The following ABLIM3 variants were observed in gnomAD, a reference collection of about 807,000 sequenced individuals.
ABLIM3 encodes actin binding LIM protein family member 3, also known as actin-binding LIM protein 3.
A neutral mutation model predicts 109.5 loss-of-function variants in ABLIM3; 61 were observed. The observed-to-expected ratio is 0.56, with a 90% CI of 0.45 to 0.69. The LOEUF is 0.69. Ranked by LOEUF, ABLIM3 falls within the 30% of genes least tolerant of loss-of-function variation. The pLI is 0.00. For synonymous variants in ABLIM3, 300 were observed against 324.8 expected, an observed-to-expected ratio of 0.92 and a Z score of 0.82; for missense variants, 796 against 889.5, an observed-to-expected ratio of 0.89 and a Z score of 1.34.
intron 23 of ABLIM3, among the ~76,000 whole-genome samples, chr5:149,258,011 G>T (rs1251535246): frequency 1.3e-5 from 2 of 152,206 alleles, no homozygotes; most frequent in Admixed American, 1.3e-4. Flanking sequence ...GACTCCAAGG[G>T]GTGTGTAGTG....
At chr5:149,200,513 G>A (rs1408769122) in intron 5 of ABLIM3, 85 bp downstream of exon 5, 26 of 1,389,748 alleles carry the variant, frequency 1.9e-5, no homozygotes, top group South Asian at 2.4e-5. Flanking sequence ...CTGCTCCCAC[G>A]GGCCTGGAGG....
At chr5:149,177,501 A>C (rs1409216723) in intron 2 of ABLIM3, among the ~76,000 whole-genome samples, 1 of 152,196 alleles carries the variant, frequency 6.6e-6, no homozygotes, top group Non-Finnish European at 1.5e-5. Flanking sequence ...TGCCCAATTC[A>C]CACATTTCTC....
Position 149,259,156 on chromosome 5 carries a change from AAG to A in ABLIM3, c.*757_*758del. The A allele has an allele frequency of 9.8e-7, 1 of 1,023,328 alleles. No homozygotes were observed. Among genetic ancestry groups the A allele is most frequent in the Non-Finnish European group, 1.2e-6 (1 of 854,530 alleles). The allele number at this position is 1,023,328 out of a possible 1,614,324, so 63.4% of individuals were successfully genotyped here. A position where few individuals can be genotyped will look rare whatever the true frequency, so the allele number is the denominator to read the frequency against. On this transcript the variant is annotated 3_prime_UTR_variant, in exon 24 of 24. Coordinates refer to ENST00000309868, the MANE Select transcript of ABLIM3 (RefSeq NM_014945.5). ...ACCTGGACTTGGAGAACCAGAGGAA[AAG>A]AGAGGGAGCGGAAGTGGGAGATGGA... is the stretch of plus-strand genomic sequence containing the variant.
At chr5:149,238,240 G>A (rs1025085512) in intron 11 of ABLIM3, among the ~76,000 whole-genome samples, 18 of 152,288 alleles carry the variant, frequency 1.2e-4, no homozygotes, top group African/African-American at 4.3e-4. Flanking sequence ...TACCCTGGAG[G>A]TCCTGGCAGT....
intron 3 of ABLIM3, among the ~76,000 whole-genome samples, chr5:149,190,886 T>A (rs79602703): frequency 0.05 from 7,593 of 152,104 alleles, 576 homozygotes; most frequent in African/African-American, 0.17. Context: ...ATCAGAAAAC[T>A]CTTGAAACCG....
In ABLIM3 at chr5:149,259,732, C is replaced by A; in HGVS notation, c.*1328C>A. On this transcript the variant is annotated 3_prime_UTR_variant, in exon 24 of 24. Coordinates refer to ENST00000309868, the MANE Select transcript of ABLIM3 (RefSeq NM_014945.5). Reference sequence around the variant, plus strand: ...TTGAATGGGTAATGTTTGGTGGGGGCTGTTCCTTCTTGGAGAAGCCTTGAG... The same window carrying A: ...TTGAATGGGTAATGTTTGGTGGGGGATGTTCCTTCTTGGAGAAGCCTTGAG... 1 of 826,238 alleles carries A rather than the reference C, an allele frequency of 1.2e-6. No homozygotes were observed. Among genetic ancestry groups the A allele is most frequent in the Non-Finnish European group, 1.9e-6 (1 of 528,492 alleles). The allele number at this position is 826,238 out of a possible 1,614,324, so 51.2% of individuals were successfully genotyped here.
intron 2 of ABLIM3, among the ~76,000 whole-genome samples, chr5:149,170,943 A>G (rs888413804): frequency 1.3e-5 from 2 of 152,142 alleles, no homozygotes; most frequent in African/African-American, 4.8e-5. Context: ...ACAACTTCAT[A>G]AAAAATTAAA....
At chr5:149,183,785 A>G (rs189651996) in intron 3 of ABLIM3, among the ~76,000 whole-genome samples, 196 bp downstream of exon 3, 7 of 152,310 alleles carry the variant, frequency 4.6e-5, no homozygotes, top group Non-Finnish European at 7.4e-5. Flanking sequence ...GAGGGAGACA[A>G]GGATCCTGGT....
intron 2 of ABLIM3, among the ~76,000 whole-genome samples, chr5:149,161,924 G>A (rs1754409965): frequency 6.6e-6 from 1 of 151,958 alleles, no homozygotes; most frequent in Non-Finnish European, 1.5e-5. Flanking sequence ...GTGTGTGTGT[G>A]TGCGCCTATA....
intron 2 of ABLIM3, among the ~76,000 whole-genome samples, chr5:149,144,184 A>G (rs1204803759): frequency 6.6e-6 from 1 of 152,178 alleles, no homozygotes; most frequent in Non-Finnish European, 1.5e-5. Flanking sequence ...TGAATTTTGC[A>G]GTAATGGAAA....
At chr5:149,247,272 T>C (rs1341216994) in intron 17 of ABLIM3, among the ~76,000 whole-genome samples, 1 of 152,154 alleles carries the variant, frequency 6.6e-6, no homozygotes, top group African/African-American at 2.4e-5. Context: ...GAACATAGAT[T>C]GCTGGTTCCC....
intron 12 of ABLIM3, 127 bp from the exon 13 acceptor site, chr5:149,239,632 G>A (rs1434956960): frequency 1.6e-6 from 2 of 1,270,678 alleles, no homozygotes; most frequent in Non-Finnish European, 2.2e-6. Flanking sequence ...GAGGAGGGGG[G>A]TCTCTGTATT....
chr5:149,240,817 C>T, intron 14 of ABLIM3, 43 bp downstream of exon 14: 2 of 1,573,348 alleles, frequency 1.3e-6, no homozygotes, highest in Non-Finnish European at 1.7e-6. Context: ...GATGCATGCT[C>T]CATGGGGTCA....
At position 149,235,361 on chromosome 5, in the gene ABLIM3, C is replaced by T. The variant is rs149834430; in HGVS notation, c.888+2061C>T. 1.3e-3 allele frequency among the ~76,000 whole-genome samples: 192 copies of T among 152,318 alleles called. 5 individuals carry two copies. In the South Asian group the frequency reaches 0.025, roughly 20 times the overall value. ...AATAGAATTATCAGTGAACCTGAAA[C>T]GAGCAGGTTCTTTCAAACTTTCAAA... On this transcript the variant is annotated intron_variant, in intron 10 of 23. Transcript: ENST00000309868.
chr5:149,177,611 G>A (rs1220369023), intron 2 of ABLIM3, among the ~76,000 whole-genome samples: 1 of 152,200 alleles, frequency 6.6e-6, no homozygotes. Flanking sequence ...AGAAGAGGTT[G>A]CTTATAGTGG....
rs1188010540 is a variant in ABLIM3, at chr5:149,251,376, C to A, written c.1806C>A (p.Leu602=). Residue 602 remains leucine, a synonymous_variant, in exon 21 of 24, where the codon CTC becomes CTA. Coordinates refer to ENST00000309868, the MANE Select transcript of ABLIM3 (RefSeq NM_014945.5). ...NGLHRTPSAD[L]FHYDSMNAVN... Reference sequence around the variant, plus strand: ...TTCTGCAGACACCCAGCGCAGACCTCTTCCACTACGACAGCATGAACGCAG... The same window carrying A: ...TTCTGCAGACACCCAGCGCAGACCTATTCCACTACGACAGCATGAACGCAG... The A allele has an allele frequency of 5.6e-6, 9 of 1,614,070 alleles. No homozygotes were observed. Among genetic ancestry groups the A allele is most frequent in the African/African-American group, 5.3e-5 (4 of 74,926 alleles).
chr5:149,148,164 T>A (rs953958811), intron 2 of ABLIM3, among the ~76,000 whole-genome samples: 2 of 152,236 alleles, frequency 1.3e-5, no homozygotes, highest in Admixed American at 1.3e-4. Context: ...AAGAGCATGC[T>A]TAGTCAGTGG....
chr5:149,183,942 AG>A (rs1756706469), intron 3 of ABLIM3, among the ~76,000 whole-genome samples: 2 of 150,318 alleles, frequency 1.3e-5, no homozygotes, highest in Admixed American at 6.6e-5. Context: ...AATTCAAGAT[AG>A]TTTTTTTTGT....
intron 2 of ABLIM3, among the ~76,000 whole-genome samples, chr5:149,160,986 C>CTT (rs1263687416): frequency 6.6e-6 from 1 of 152,208 alleles, no homozygotes; most frequent in Non-Finnish European, 1.5e-5. Flanking sequence ...AGCCATGGGG[C>CTT]TTCTTAGCCC....
Sources: allele counts gnomAD v4.1 joint callset (sites outside exome capture counted in the v4.1 genomes callset), GRCh38; gene constraint gnomAD v4.1.1; transcripts MANE v1.5; gene names NCBI Gene and HGNC (gene_info 2026-07-23, HGNC 2026-07-21).